Variants in CCDC178 observed in about 807,000 individuals in gnomAD.
CCDC178 encodes the protein coiled-coil domain containing 178.
In CCDC178, 126 loss-of-function variants were observed where a neutral mutation model predicts 117.4. The observed-to-expected ratio is 1.07, with a 90% CI of 0.93 to 1.24. The LOEUF is 1.24. Among genes scored for constraint, CCDC178 ranks in the 50% most tolerant of loss-of-function variants. The probability of loss-of-function intolerance (pLI) is 0.00; values close to 1 mark genes in which losing one functional copy is unlikely to be tolerated. For missense variants in CCDC178, 1,030 were observed against 986.9 expected (o/e 1.04, Z -0.59); for synonymous variants, 283 against 313.4 (o/e 0.90, Z 1.02).
intron 5 of CCDC178, among the ~76,000 whole-genome samples, chr18:33,376,907 G>T (rs2063374741): frequency 6.6e-6 from 1 of 152,184 alleles, no homozygotes; most frequent in Non-Finnish European, 1.5e-5. Context: ...ATGCTGTGAT[G>T]AACAAATGAG....
At chr18:33,364,899 TGGTTACATAACATCTTAAATTTTG>T (rs1168135717) in intron 6 of CCDC178, among the ~76,000 whole-genome samples, 1 of 151,992 alleles carries the variant, frequency 6.6e-6, no homozygotes, top group Admixed American at 6.6e-5. Flanking sequence ...GTGGAGACTA[TGGTTACATAACATCTTAAATTTTG>T]GGTAATGTTC....
intron 9 of CCDC178, among the ~76,000 whole-genome samples, chr18:33,344,850 CACACATAT>C (rs1304298710): frequency 7.6e-5 from 9 of 118,066 alleles, no homozygotes; most frequent in African/African-American, 9.9e-5. Context: ...CACACACACA[CACACATAT>C]ATTTATAAAT....
intron 7 of CCDC178, among the ~76,000 whole-genome samples, chr18:33,351,706 C>G (rs1317252509): frequency 2.0e-5 from 3 of 152,102 alleles, no homozygotes; most frequent in African/African-American, 7.2e-5. Flanking sequence ...CCACACCTGG[C>G]TCATTTTTTC....
chr18:33,288,582 A>C (rs188394126), intron 12 of CCDC178, among the ~76,000 whole-genome samples: 1 of 151,856 alleles, frequency 6.6e-6, no homozygotes, highest in Non-Finnish European at 1.5e-5. Context: ...AGAAAGAGTC[A>C]CAATGCATCT....
intron 20 of CCDC178, among the ~76,000 whole-genome samples, chr18:33,199,443 A>T (rs1281325876): frequency 6.6e-6 from 1 of 152,042 alleles, no homozygotes; most frequent in Non-Finnish European, 1.5e-5. Context: ...ATACTCTTTT[A>T]CTTCAGTATC....
At chr18:33,197,022 TTTTCA>T (rs2058938550) in intron 20 of CCDC178, among the ~76,000 whole-genome samples, 1 of 152,126 alleles carries the variant, frequency 6.6e-6, no homozygotes, top group Non-Finnish European at 1.5e-5. Flanking sequence ...TATCTTAATT[TTTTCA>T]TTTCATTTTA....
At position 33,092,832 on chromosome 18, in the gene CCDC178, C is replaced by T; in HGVS notation, c.2317G>A (p.Glu773Lys). Residue 773 changes from glutamate to lysine, a missense_variant, in exon 21 of 23, where the codon GAA becomes AAA. Coordinates refer to ENST00000383096, the MANE Select transcript of CCDC178 (RefSeq NM_001105528.4). ...YQQLQITFLK[E>K]KDNYFNIYDK... The stretch of plus-strand genomic sequence containing the variant: ...TATATATTGAAATAATTGTCCTTTT[C>T]TTTTAAGAATGTAATCTGTAGCTGT... The T allele has an allele frequency of 2.5e-6, 4 of 1,575,682 alleles. No individual in the cohort carries two copies. Among genetic ancestry groups the T allele is most frequent in the Non-Finnish European group, 3.5e-6 (4 of 1,153,804 alleles).
At chr18:33,192,528 C>T (rs1036051580) in intron 20 of CCDC178, among the ~76,000 whole-genome samples, 1 of 152,298 alleles carries the variant, frequency 6.6e-6, no homozygotes, top group African/African-American at 2.4e-5. Flanking sequence ...AAAACACTGT[C>T]CCTGCCTGCA....
chr18:33,104,962 C>A (rs1218286466), intron 20 of CCDC178, among the ~76,000 whole-genome samples: 2 of 151,550 alleles, frequency 1.3e-5, no homozygotes, highest in Non-Finnish European at 3.0e-5. Flanking sequence ...CAATTATATT[C>A]TTTTATATGC....
chr18:32,978,203 A>ATTTTTTT (rs34863142), intron 21 of CCDC178, among the ~76,000 whole-genome samples: 11 of 90,040 alleles, frequency 1.2e-4, no homozygotes, highest in East Asian at 3.8e-4. Context: ...CTCAAAAAAG[A>ATTTTTTT]TTTTTTTTTT....
intron 15 of CCDC178, among the ~76,000 whole-genome samples, chr18:33,235,018 T>C (rs981871133): frequency 6.6e-6 from 1 of 152,186 alleles, no homozygotes; most frequent in Non-Finnish European, 1.5e-5. Context: ...CTCTAAGTAC[T>C]AGCAGAAATT....
At chr18:33,246,587 A>T (rs73417970) in intron 14 of CCDC178, among the ~76,000 whole-genome samples, 1,898 of 151,846 alleles carry the variant, frequency 0.012, 38 homozygotes, top group African/African-American at 0.044. Flanking sequence ...CAAGCAGGAG[A>T]CATAGCTAGG....
chr18:33,425,672 T>C (rs1006686188), intron 2 of CCDC178, among the ~76,000 whole-genome samples: 1 of 152,184 alleles, frequency 6.6e-6, no homozygotes, highest in African/African-American at 2.4e-5. Flanking sequence ...ATACTTGAAC[T>C]GTGCTGCTTG....
At chr18:33,392,018 C>T (rs2063571120) in intron 4 of CCDC178, among the ~76,000 whole-genome samples, 1 of 151,984 alleles carries the variant, frequency 6.6e-6, no homozygotes, top group Non-Finnish European at 1.5e-5. Flanking sequence ...AGTGCGCCAC[C>T]ATGCCTGGCT....
chr18:32,994,070 G>C (rs1156277120), intron 21 of CCDC178, among the ~76,000 whole-genome samples: 3 of 151,938 alleles, frequency 2.0e-5, no homozygotes, highest in Non-Finnish European at 4.4e-5. Flanking sequence ...TGATCTTACA[G>C]AGTCCTAATA....
intron 20 of CCDC178, among the ~76,000 whole-genome samples, chr18:33,157,617 C>A (rs1254406696): frequency 2.0e-5 from 3 of 152,014 alleles, no homozygotes; most frequent in African/African-American, 7.2e-5. Context: ...AGTATTTTAC[C>A]TCCTTGCTGT....
At chr18:33,097,453 A>G (rs1034539053) in intron 20 of CCDC178, among the ~76,000 whole-genome samples, 2 of 152,158 alleles carry the variant, frequency 1.3e-5, no homozygotes, top group African/African-American at 4.8e-5. Context: ...TCTGGCACAT[A>G]GAATCATAAG....
At chr18:33,280,803 G>C (rs1186822608) in intron 12 of CCDC178, among the ~76,000 whole-genome samples, 3 of 152,080 alleles carry the variant, frequency 2.0e-5, no homozygotes, top group Non-Finnish European at 2.9e-5. Flanking sequence ...GTCCTTTGTA[G>C]GGACACGGAT....
chr18:32,983,436 T>C (rs560421210), intron 21 of CCDC178: 406 of 763,440 alleles, frequency 5.3e-4, no homozygotes, highest in Non-Finnish European at 8.2e-4. Context: ...GTCAAACAAA[T>C]AGTACAACTG....
Sources: allele counts gnomAD v4.1 joint callset (sites outside exome capture counted in the v4.1 genomes callset), GRCh38; gene constraint gnomAD v4.1.1; transcripts MANE v1.5; gene names NCBI Gene and HGNC (gene_info 2026-07-23, HGNC 2026-07-21).